The following LCP2 variants were observed in gnomAD, a reference collection of about 807,000 sequenced individuals.
LCP2 encodes 76 kDa tyrosine phosphoprotein.
Under a neutral mutation model 74.5 loss-of-function variants are expected in LCP2, and 29 were observed. The ratio of observed to expected loss-of-function variants is 0.39; its 90% CI spans 0.29 to 0.53. The LOEUF is 0.53. LCP2 is among the 20% of genes least tolerant of loss of function. The pLI is 0.72. For synonymous variants in LCP2, 228 were observed against 229.5 expected, an observed-to-expected ratio of 0.99 and a Z score of 0.06; for missense variants, 604 against 634.6, an observed-to-expected ratio of 0.95 and a Z score of 0.52.
In LCP2 at chr5:170,253,108, T is replaced by C. The variant is rs201776983; in HGVS notation, c.1245+11A>G. 9.1e-5 allele frequency: 144 copies of C among 1,574,642 alleles called. No homozygotes were observed. In the African/African-American group the frequency reaches 1.6e-3, roughly 17 times the overall value. On this transcript the variant is annotated intron_variant, in intron 18 of 20. Coordinates refer to ENST00000046794, the MANE Select transcript of LCP2 (RefSeq NM_005565.5). ...AGGCAAACAAACAAAAATAAAAACATGCTCTCTTACCTCTTCCTCCGCGGG... is the reference window on the plus strand; with the variant it reads ...AGGCAAACAAACAAAAATAAAAACACGCTCTCTTACCTCTTCCTCCGCGGG...
intron 3 of LCP2, among the ~76,000 whole-genome samples, chr5:170,276,703 C>T (rs1198018251): frequency 5.3e-5 from 8 of 152,118 alleles, no homozygotes; most frequent in Admixed American, 4.6e-4. Flanking sequence ...ATCCAGAACT[C>T]GAGACTGCAG....
chr5:170,256,560 T>C lies in LCP2; in HGVS notation c.1116A>G (p.Pro372=). ...AGTATGGTGGCAGGGAGGCACTCTG[T>C]GGAAAACTGCTGTTACTGAGGAGAC... is the stretch of plus-strand genomic sequence containing the variant. The part of the protein sequence containing the change: ...GAFSESNSSF[P]QSASLPPYFS... Residue 372 remains proline, a synonymous_variant, in exon 17 of 21, where the codon CCA becomes CCG. Transcript: ENST00000046794. The surrounding 1 kb of genome is among the most constrained non-coding windows in gnomAD (Gnocchi z 4.5). 6.2e-7 allele frequency: 1 copy of C among 1,612,838 alleles called. No individual in the cohort carries two copies. The highest frequency in any genetic ancestry group is 8.5e-7 in the Non-Finnish European group (1 of 1,178,896).
In LCP2 at chr5:170,265,456, G is replaced by GA. The variant is rs200468522; in HGVS notation, c.772+1351dup. On this transcript the variant is annotated intron_variant, in intron 10 of 20. Coordinates refer to ENST00000046794, the MANE Select transcript of LCP2 (RefSeq NM_005565.5). ...TCATTTAAAAATGCTTTTAAATATAGAAAAAAAGAATATTTTAAAAGAATA... is the reference window on the plus strand; with the variant it reads ...TCATTTAAAAATGCTTTTAAATATAGAAAAAAAAGAATATTTTAAAAGAATA... 6.4e-4 allele frequency among the ~76,000 whole-genome samples: 97 copies of GA among 152,206 alleles called. No homozygotes were observed. In the East Asian group the frequency reaches 0.016, roughly 26 times the overall value.
intron 3 of LCP2, among the ~76,000 whole-genome samples, chr5:170,282,107 C>T (rs1281577707): frequency 6.6e-6 from 1 of 152,138 alleles, no homozygotes; most frequent in Non-Finnish European, 1.5e-5. Context: ...TGGGATCAAC[C>T]ATGTCCTGAG....
chr5:170,272,599 T>G (rs1761914762), intron 6 of LCP2, among the ~76,000 whole-genome samples: 1 of 84,688 alleles, frequency 1.2e-5, no homozygotes, highest in African/African-American at 9.9e-5. Context: ...AATATTTTCT[T>G]TTTTTTTTTT....
intron 17 of LCP2, among the ~76,000 whole-genome samples, chr5:170,255,641 G>A (rs1761536773): frequency 6.6e-6 from 1 of 152,144 alleles, no homozygotes; most frequent in African/African-American, 2.4e-5. Context: ...TTTTTAAAGT[G>A]CCTACCAAGT....
chr5:170,272,557 T>TAAATGAGA (rs1237107846), intron 6 of LCP2, among the ~76,000 whole-genome samples: 1 of 144,892 alleles, frequency 6.9e-6, no homozygotes, highest in African/African-American at 2.5e-5. Context: ...CAAGATAGAC[T>TAAATGAGA]AAATGAGATC....
intron 3 of LCP2, among the ~76,000 whole-genome samples, chr5:170,285,241 C>T (rs1762165143): frequency 6.6e-6 from 1 of 152,134 alleles, no homozygotes; most frequent in South Asian, 2.1e-4. Context: ...CTGTTTGGGT[C>T]TTTTTTTGAA....
rs1761564605 is a variant in LCP2, at chr5:170,256,988, A to C, written c.1101-413T>G. On this transcript the variant is annotated intron_variant, in intron 16 of 20. Transcript: ENST00000046794. The surrounding 1 kb of genome is among the most constrained non-coding windows in gnomAD (Gnocchi z 4.5). ...TGAATCCCCAGGGCTTAGGGTCTGC[A>C]AGGAGAGAGTAAGCCAGGTGAGAAG... Among the ~76,000 whole-genome samples, 1 of 152,142 alleles carries C rather than the reference A, an allele frequency of 6.6e-6. No individual in the cohort carries two copies. Among genetic ancestry groups the C allele is most frequent in the African/African-American group, 2.4e-5 (1 of 41,432 alleles).
intron 6 of LCP2, among the ~76,000 whole-genome samples, chr5:170,271,986 T>C (rs1186235557): frequency 6.6e-6 from 1 of 152,176 alleles, no homozygotes; most frequent in Non-Finnish European, 1.5e-5. Context: ...GAGCATTGGG[T>C]GCCTTCCCAA....
chr5:170,272,760 G>A (rs780054234), intron 6 of LCP2, among the ~76,000 whole-genome samples: 8 of 151,050 alleles, frequency 5.3e-5, no homozygotes, highest in Admixed American at 1.3e-4. Flanking sequence ...CTACAGGCAC[G>A]CACCACCACG....
intron 10 of LCP2, 126 bp from the exon 11 acceptor site, chr5:170,263,118 G>A: frequency 2.6e-6 from 3 of 1,147,362 alleles, no homozygotes; most frequent in Non-Finnish European, 3.7e-6. Flanking sequence ...AAGCATTAAA[G>A]AATCAGAAAC....
At chr5:170,249,362 G>GTGTATATATATATATATA (rs549497220) in intron 20 of LCP2, among the ~76,000 whole-genome samples, 1 of 108,146 alleles carries the variant, frequency 9.2e-6, no homozygotes, top group African/African-American at 3.1e-5. Context: ...GCATGCGTGT[G>GTGTATATATATATATATA]TATATATATA....
At chr5:170,278,446 C>A (rs1261832812) in intron 3 of LCP2, among the ~76,000 whole-genome samples, 2 of 25,022 alleles carry the variant, frequency 8.0e-5, no homozygotes, top group African/African-American at 2.0e-4. Context: ...GGGTGGGGGG[C>A]TGGGGGGATG....
intron 10 of LCP2, 76 bp from the exon 11 acceptor site, chr5:170,263,068 A>G: frequency 6.5e-7 from 1 of 1,532,268 alleles, no homozygotes; most frequent in Non-Finnish European, 9.0e-7. Context: ...CAGTTTGATG[A>G]AACTATGAGT....
chr5:170,263,405 A>C (rs1396012085), intron 10 of LCP2, among the ~76,000 whole-genome samples: 2 of 152,242 alleles, frequency 1.3e-5, no homozygotes, highest in Non-Finnish European at 2.9e-5. Flanking sequence ...TCCACTTGCC[A>C]CGGAGAGGGT....
At position 170,279,797 on chromosome 5, in the gene LCP2, G is replaced by A. The variant is rs149721366; in HGVS notation, c.189-3937C>T. Among the ~76,000 whole-genome samples, 16 of 152,312 alleles carry A rather than the reference G, an allele frequency of 1.1e-4. No homozygotes were observed. In the East Asian group the frequency reaches 3.1e-3, roughly 29 times the overall value. On this transcript the variant is annotated intron_variant, in intron 3 of 20. Coordinates refer to ENST00000046794, the MANE Select transcript of LCP2 (RefSeq NM_005565.5). ...AAGGGAGTGAAACAGGAGAGTGGGG[G>A]TATGCGGGGCCTTAGCTGGCCTCTG... is the stretch of plus-strand genomic sequence containing the variant.
At chr5:170,267,234 T>G in intron 8 of LCP2, 159 bp from the exon 9 acceptor site, 2 of 697,952 alleles carry the variant, frequency 2.9e-6, no homozygotes, top group Non-Finnish European at 4.9e-6. Context: ...TAGCCTCCTA[T>G]CTGAGCTCCC....
At chr5:170,289,615 CT>C (rs148656925) in intron 2 of LCP2, among the ~76,000 whole-genome samples, 3 of 126,038 alleles carry the variant, frequency 2.4e-5, no homozygotes, top group Non-Finnish European at 3.4e-5. Flanking sequence ...TTCTTTCTTT[CT>C]TTTTCTTTCT....
Sources: gnomAD v4.1 joint callset for allele counts (sites outside exome capture counted in the v4.1 genomes callset) on GRCh38, gnomAD v4.1.1 for gene constraint, Gnocchi (gnomAD v3.1) non-coding constraint, MANE v1.5 for transcripts, NCBI Gene and HGNC (gene_info 2026-07-23, HGNC 2026-07-21) for gene names.